The following CDADC1 variants were observed in gnomAD, a reference collection of about 807,000 sequenced individuals.
CDADC1 encodes the protein cytidine and dCMP deaminase domain containing 1.
CDADC1 carries 39 observed loss-of-function variants against 54.9 expected under a neutral mutation model. The observed-to-expected ratio is 0.71, with a 90% confidence interval of 0.55 to 0.93. The LOEUF is 0.93. Among genes scored for constraint, CDADC1 ranks in the 40% least tolerant of loss-of-function variants. The pLI, the probability that CDADC1 is intolerant of heterozygous loss-of-function variation, is 0.00. For missense variants in CDADC1, 518 were observed against 618.8 expected (o/e 0.84, Z 1.73); for synonymous variants, 186 against 204.0 (o/e 0.91, Z 0.75).
At chr13:49,278,239 A>C in intron 6 of CDADC1, 111 bp from the exon 7 acceptor site, 1 of 746,978 alleles carries the variant, frequency 1.3e-6, no homozygotes, top group Non-Finnish European at 2.0e-6. Context: ...TTTACTGTAG[A>C]AAATTGAATG....
chr13:49,271,620 T>A (rs1185055899), intron 5 of CDADC1, among the ~76,000 whole-genome samples: 7 of 151,504 alleles, frequency 4.6e-5, no homozygotes, highest in Non-Finnish European at 5.9e-5. Flanking sequence ...TTTTTTTTTT[T>A]AAATTTTAAA....
intron 3 of CDADC1, among the ~76,000 whole-genome samples, chr13:49,258,836 C>G (rs912089193): frequency 1.3e-5 from 2 of 152,204 alleles, no homozygotes; most frequent in Non-Finnish European, 2.9e-5. Context: ...ATTATCTTTT[C>G]TTTGGTCAAT....
chr13:49,287,307 G>A (rs6561513), intron 9 of CDADC1, among the ~76,000 whole-genome samples: 145,821 of 152,332 alleles, frequency 0.96, 70,076 homozygotes, highest in East Asian at 1. Flanking sequence ...AAATCAAGAA[G>A]TATAAAGGTC....
intron 5 of CDADC1, among the ~76,000 whole-genome samples, chr13:49,273,023 C>A (rs1166191139): frequency 6.6e-6 from 1 of 152,136 alleles, no homozygotes; most frequent in Non-Finnish European, 1.5e-5. Flanking sequence ...AAAATGAGAT[C>A]ATGAATAAAC....
intron 5 of CDADC1, among the ~76,000 whole-genome samples, 192 bp downstream of exon 5, chr13:49,268,251 C>T (rs1952873976): frequency 6.6e-6 from 1 of 151,942 alleles, no homozygotes; most frequent in Non-Finnish European, 1.5e-5. Context: ...TCCTTGTAGC[C>T]TTATATTCAG....
intron 3 of CDADC1, 76 bp downstream of exon 3, chr13:49,255,989 G>T: frequency 6.6e-7 from 1 of 1,522,886 alleles, no homozygotes; most frequent in Non-Finnish European, 8.8e-7. Flanking sequence ...GAATAAAAGT[G>T]CCTCCATTTC....
In CDADC1 at chr13:49,278,460, CAG is replaced by C. The variant is rs760419575; in HGVS notation, c.1165_1166del (p.Glu389AsnfsTer18). ...CACACATGGATGACAAGCAGAAAGA[CAG>C]AGAAATAAGGAAATTCAGATACATC... Reference protein sequence around the residue: ...FPHMDDKQKDREIRKFRYIIH... With the variant: ...FPHMDDKQKDXEIRKFRYIIH... On this transcript the variant is annotated frameshift_variant, in exon 7 of 10. Transcript: ENST00000251108. LOFTEE classifies it high-confidence loss of function. The C allele has an allele frequency of 1.2e-6, 2 of 1,601,990 alleles. No individual in the cohort carries two copies.
intron 8 of CDADC1, among the ~76,000 whole-genome samples, chr13:49,281,947 G>T (rs940246817): frequency 2.2e-5 from 2 of 89,946 alleles, no homozygotes; most frequent in Non-Finnish European, 4.2e-5. Context: ...CCCAGTATCT[G>T]GGATTACAGG....
Position 49,292,729 on chromosome 13 carries a change from T to C in CDADC1, c.*972T>C. On this transcript the variant is annotated 3_prime_UTR_variant, in exon 10 of 10. Transcript: ENST00000251108. The stretch of plus-strand genomic sequence containing the variant: ...TCACATTTTTATTTGCTGAGAAACA[T>C]TCAGAAAATTATTCCAAAAATGAAG... The C allele has an allele frequency of 7.9e-7, 1 of 1,273,214 alleles. No individual in the cohort carries two copies. The highest frequency in any genetic ancestry group is 1.0e-6 in the Non-Finnish European group (1 of 982,200). 78.9% of individuals were successfully genotyped at this position (1,273,214 alleles called of 1,614,324 possible).
chr13:49,262,731 A>G (rs1046742479), intron 4 of CDADC1, among the ~76,000 whole-genome samples: 1 of 151,924 alleles, frequency 6.6e-6, no homozygotes, highest in Non-Finnish European at 1.5e-5. Flanking sequence ...AGGCTTCACC[A>G]TGTTGGTCAG....
At chr13:49,271,491 T>C (rs1287635772) in intron 5 of CDADC1, among the ~76,000 whole-genome samples, 17 of 152,040 alleles carry the variant, frequency 1.1e-4, no homozygotes. Flanking sequence ...TTCTCAGATA[T>C]GAGTATGCCT....
chr13:49,257,542 G>A (rs1188874625), intron 3 of CDADC1, among the ~76,000 whole-genome samples: 12 of 152,166 alleles, frequency 7.9e-5, no homozygotes, highest in Admixed American at 4.6e-4. Flanking sequence ...AGGCCGAGGC[G>A]GGCGGATCAC....
intron 4 of CDADC1, among the ~76,000 whole-genome samples, chr13:49,262,692 G>A (rs975568053): frequency 2.6e-5 from 4 of 151,896 alleles, no homozygotes; most frequent in Non-Finnish European, 4.4e-5. Context: ...CAGCATGCCC[G>A]GCTAATTTTT....
intron 3 of CDADC1, among the ~76,000 whole-genome samples, chr13:49,258,433 C>CT (rs200053736): frequency 6.7e-5 from 10 of 149,590 alleles, no homozygotes; most frequent in South Asian, 4.2e-4. Context: ...GCAGAACTGA[C>CT]TTTTTTTTTT....
At position 49,289,480 on chromosome 13, in the gene CDADC1, A is replaced by G. The variant is rs367944880; in HGVS notation, c.1472-2204A>G. 1.1e-3 allele frequency among the ~76,000 whole-genome samples: 165 copies of G among 152,284 alleles called. 2 individuals carry two copies. The highest frequency in any genetic ancestry group is 3.8e-3 in the African/African-American group (159 of 41,562). On this transcript the variant is annotated intron_variant, in intron 9 of 9. Transcript: ENST00000251108. ...CCCTAGAGAAACTCTTGCATATTGT[A>G]TAAGAGTCAGAGAGACAAAGAATTT...
At chr13:49,258,351 A>G (rs1566355405) in intron 3 of CDADC1, among the ~76,000 whole-genome samples, 1 of 152,238 alleles carries the variant, frequency 6.6e-6, no homozygotes, top group Non-Finnish European at 1.5e-5. Context: ...TCCCAAGCCC[A>G]AGGATCAGGT....
intron 5 of CDADC1, among the ~76,000 whole-genome samples, chr13:49,269,231 C>T (rs973424473): frequency 4.0e-5 from 6 of 151,314 alleles, no homozygotes; most frequent in African/African-American, 1.5e-4. Context: ...CAAATAGAAT[C>T]GCCATTGAAA....
intron 9 of CDADC1, among the ~76,000 whole-genome samples, chr13:49,287,466 GTATCTATCTATCTATCTATC>G (rs55902616): frequency 6.8e-5 from 10 of 145,988 alleles, no homozygotes; most frequent in African/African-American, 1.0e-4. Context: ...AAAAAAGGCT[GTATCTATCTATCTATCTATC>G]TATCTATCTA....
intron 2 of CDADC1, among the ~76,000 whole-genome samples, chr13:49,251,217 G>A (rs369390813): frequency 1.3e-5 from 2 of 152,100 alleles, no homozygotes; most frequent in African/African-American, 4.8e-5. Flanking sequence ...AGACCATCTT[G>A]GCCAACATGG....
Sources: allele counts gnomAD v4.1 joint callset (sites outside exome capture counted in the v4.1 genomes callset), GRCh38; gene constraint gnomAD v4.1.1; transcripts MANE v1.5; gene names NCBI Gene and HGNC (gene_info 2026-07-23, HGNC 2026-07-21).